Variants in PDE7B observed in about 807,000 individuals in gnomAD.
The protein encoded by PDE7B is phosphodiesterase 7B, also known as 3',5'-cyclic-AMP phosphodiesterase 7B.
PDE7B carries 29 observed loss-of-function variants against 56.2 expected under a neutral mutation model. That is an observed-to-expected ratio of 0.52 (90% CI 0.38 to 0.70). The LOEUF is 0.70. PDE7B is among the 30% of genes least tolerant of loss of function. PDE7B has a pLI of 0.00. For synonymous variants in PDE7B, 197 were observed against 196.9 expected, an observed-to-expected ratio of 1.00 and a Z score of 0.00; for missense variants, 490 against 565.0, an observed-to-expected ratio of 0.87 and a Z score of 1.35.
intron 2 of PDE7B, among the ~76,000 whole-genome samples, chr6:136,100,481 T>C (rs1195172675): frequency 6.6e-6 from 1 of 152,206 alleles, no homozygotes; most frequent in East Asian, 1.9e-4. Context: ...CTTGAAGAGG[T>C]CCTTCACATC....
intron 2 of PDE7B, among the ~76,000 whole-genome samples, chr6:136,093,552 T>C (rs1777426382): frequency 3.3e-5 from 5 of 152,228 alleles, no homozygotes; most frequent in Admixed American, 2.6e-4. Flanking sequence ...CCATGTGCCA[T>C]GATCCATTTT....
chr6:135,997,150 G>C (rs1264360457), intron 2 of PDE7B, among the ~76,000 whole-genome samples: 1 of 151,708 alleles, frequency 6.6e-6, no homozygotes, highest in African/African-American at 2.4e-5. Context: ...GGGCACAATG[G>C]CTCAACCCTG....
chr6:135,960,327 C>T (rs1246470575), intron 2 of PDE7B, among the ~76,000 whole-genome samples: 2 of 152,154 alleles, frequency 1.3e-5, no homozygotes, highest in African/African-American at 4.8e-5. Flanking sequence ...ATGTGACTGC[C>T]ATGTTTATTT....
chr6:135,998,786 A>G (rs1775613597), intron 2 of PDE7B, among the ~76,000 whole-genome samples: 1 of 151,998 alleles, frequency 6.6e-6, no homozygotes, highest in Admixed American at 6.6e-5. Context: ...ATAAACAAAA[A>G]AAAAACACTC....
At chr6:136,006,200 T>C (rs1775779068) in intron 2 of PDE7B, among the ~76,000 whole-genome samples, 1 of 103,694 alleles carries the variant, frequency 9.6e-6, no homozygotes, top group Admixed American at 1.4e-4. Context: ...CTCTGGGGCC[T>C]GTTGTGGGGT....
intron 2 of PDE7B, among the ~76,000 whole-genome samples, chr6:135,963,118 A>G: frequency 6.6e-6 from 1 of 152,194 alleles, no homozygotes; most frequent in East Asian, 1.9e-4. Context: ...AACATGTAAC[A>G]CAGCCACACT....
At chr6:136,038,203 C>T (rs965615942) in intron 2 of PDE7B, 5 of 1,299,410 alleles carry the variant, frequency 3.8e-6, no homozygotes, top group African/African-American at 3.0e-5. Context: ...GCAGCAGCAG[C>T]AGAAGCAGAA....
intron 2 of PDE7B, among the ~76,000 whole-genome samples, chr6:136,012,171 A>G (rs35186832): frequency 0.029 from 4,384 of 151,936 alleles, 84 homozygotes; most frequent in Non-Finnish European, 0.043. Context: ...GCCCCTGCCT[A>G]CAAGCTCCCT....
At chr6:136,015,981 T>C (rs1390640245) in intron 2 of PDE7B, among the ~76,000 whole-genome samples, 1 of 152,186 alleles carries the variant, frequency 6.6e-6, no homozygotes, top group African/African-American at 2.4e-5. Context: ...AAAGATGATG[T>C]TTTTCACTTC....
chr6:136,053,216 C>A (rs900356468), intron 2 of PDE7B, among the ~76,000 whole-genome samples: 1 of 122,424 alleles, frequency 8.2e-6, no homozygotes, highest in Non-Finnish European at 1.7e-5. Flanking sequence ...CCCCTCCCCC[C>A]ACCCCACAAC....
At chr6:136,042,002 A>T (rs1368202005) in intron 2 of PDE7B, among the ~76,000 whole-genome samples, 1 of 152,210 alleles carries the variant, frequency 6.6e-6, no homozygotes, top group Non-Finnish European at 1.5e-5. Context: ...TTACATGTAG[A>T]TGGGGCAAAA....
At chr6:136,074,082 G>A (rs1443257913) in intron 2 of PDE7B, among the ~76,000 whole-genome samples, 2 of 151,972 alleles carry the variant, frequency 1.3e-5, no homozygotes, top group African/African-American at 4.8e-5. Context: ...AAATGAACTG[G>A]GCACGGTGGC....
chr6:136,189,826 G>A (rs1368369771), intron 12 of PDE7B, among the ~76,000 whole-genome samples: 1 of 151,978 alleles, frequency 6.6e-6, no homozygotes, highest in East Asian at 1.9e-4. Flanking sequence ...GATGGAACAG[G>A]TTTCCAAATC....
chr6:135,945,567 C>G (rs1199616372), intron 1 of PDE7B, among the ~76,000 whole-genome samples: 1 of 152,140 alleles, frequency 6.6e-6, no homozygotes, highest in Non-Finnish European at 1.5e-5. Flanking sequence ...ACTTGCCCCT[C>G]TTTGTACCAG....
intron 8 of PDE7B, 64 bp downstream of exon 8, chr6:136,155,822 C>T: frequency 6.5e-7 from 1 of 1,537,172 alleles, no homozygotes; most frequent in East Asian, 2.2e-5. Flanking sequence ...GGTGCTCAAG[C>T]CTGAATCTTG....
intron 1 of PDE7B, among the ~76,000 whole-genome samples, chr6:135,890,574 C>T (rs140843989): frequency 5.4e-4 from 82 of 152,256 alleles, no homozygotes; most frequent in Admixed American, 3.2e-3. Context: ...TTTGAGAATA[C>T]ATCATAAACT....
intron 1 of PDE7B, among the ~76,000 whole-genome samples, chr6:135,926,147 C>T (rs974142427): frequency 9.1e-5 from 12 of 132,204 alleles, no homozygotes; most frequent in South Asian, 2.4e-4. Flanking sequence ...AGTGCAGTGG[C>T]GCAATCTCGG....
Position 136,191,886 on chromosome 6 carries a change from G to C in PDE7B, c.*46G>C. 4 of 1,443,702 alleles carry C rather than the reference G, an allele frequency of 2.8e-6. No homozygotes were observed. Among genetic ancestry groups the C allele is most frequent in the Non-Finnish European group, 2.8e-6 (3 of 1,056,100 alleles). The allele number at this position is 1,443,702 out of a possible 1,614,324, so 89.4% of individuals were successfully genotyped here. On this transcript the variant is annotated 3_prime_UTR_variant, in exon 13 of 13. Transcript: ENST00000308191. ...CGGCTCTCCTCCGGCAGGGCCCCCAGAGGGCAGAAGCAGCGTGGAGGGGCC... is the reference window on the plus strand; with the variant it reads ...CGGCTCTCCTCCGGCAGGGCCCCCACAGGGCAGAAGCAGCGTGGAGGGGCC...
intron 2 of PDE7B, among the ~76,000 whole-genome samples, chr6:136,023,428 TG>T (rs2128208315): frequency 6.6e-6 from 1 of 152,312 alleles, no homozygotes; most frequent in Non-Finnish European, 1.5e-5. Flanking sequence ...AAAGCTTTCA[TG>T]TAGCAAAGGG....
Sources: gnomAD v4.1 joint callset for allele counts (sites outside exome capture counted in the v4.1 genomes callset) on GRCh38, gnomAD v4.1.1 for gene constraint, MANE v1.5 for transcripts, NCBI Gene and HGNC (gene_info 2026-07-23, HGNC 2026-07-21) for gene names.